The following PDE1A variants were observed in gnomAD, a reference collection of about 807,000 sequenced individuals.
The protein encoded by PDE1A is phosphodiesterase 1A.
PDE1A carries 35 observed loss-of-function variants against 61.7 expected under a neutral mutation model. The observed-to-expected ratio is 0.57, with a 90% CI of 0.43 to 0.75. The LOEUF (loss-of-function observed/expected upper bound fraction) is 0.75. PDE1A is among the 30% of genes least tolerant of loss of function. The pLI is 0.00. For missense variants in PDE1A, 597 were observed against 630.6 expected (o/e 0.95, Z 0.57); for synonymous variants, 232 against 213.2 (o/e 1.09, Z -0.77).
the PDE1A span, among the ~76,000 whole-genome samples, chr2:182,678,371 C>G: frequency 2.0e-5 from 3 of 151,890 alleles, no homozygotes; most frequent in African/African-American, 7.3e-5. Context: ...TGCAGTGAGC[C>G]GATATCATGC....
intron 2 of PDE1A, among the ~76,000 whole-genome samples, chr2:182,460,559 C>T (rs1056116016): frequency 1.3e-5 from 2 of 152,084 alleles, no homozygotes; most frequent in African/African-American, 4.8e-5. Context: ...CTGTATGTAA[C>T]TTTAATATTG....
At chr2:182,496,455 T>C (rs568023839) in intron 2 of PDE1A, among the ~76,000 whole-genome samples, 1 of 152,188 alleles carries the variant, frequency 6.6e-6, no homozygotes, top group Admixed American at 6.5e-5. Flanking sequence ...AAAACTGGGA[T>C]CTGGTTATAG....
At chr2:182,380,106 C>CTTTTTTTTT (rs1226939777) in intron 1 of PDE1A, among the ~76,000 whole-genome samples, 1 of 103,856 alleles carries the variant, frequency 9.6e-6, no homozygotes, top group Non-Finnish European at 1.9e-5. Flanking sequence ...CCCAGCTCCT[C>CTTTTTTTTT]TTTTTTTTTT....
At chr2:182,531,140 A>T in the PDE1A span, among the ~76,000 whole-genome samples, 1 of 151,984 alleles carries the variant, frequency 6.6e-6, no homozygotes, top group Non-Finnish European at 1.5e-5. Flanking sequence ...TACACTTAAA[A>T]ATACAGATAT....
At chr2:182,601,492 T>C in the PDE1A span, among the ~76,000 whole-genome samples, 1 of 152,236 alleles carries the variant, frequency 6.6e-6, no homozygotes, top group Admixed American at 6.5e-5. Context: ...AGGGGTATGT[T>C]TCTGTCCTGT....
chr2:182,356,834 T>C (rs1177772723), intron 1 of PDE1A, among the ~76,000 whole-genome samples: 5 of 152,162 alleles, frequency 3.3e-5, no homozygotes, highest in Admixed American at 6.5e-5. Flanking sequence ...ATATACACCA[T>C]GGAATACTAT....
chr2:182,710,195 C>T, the PDE1A span, among the ~76,000 whole-genome samples: 2 of 152,130 alleles, frequency 1.3e-5, no homozygotes, highest in Non-Finnish European at 2.9e-5. Flanking sequence ...GCACCTGGCC[C>T]ATATTACCTT....
intron 1 of PDE1A, among the ~76,000 whole-genome samples, chr2:182,307,283 G>T (rs145169258): frequency 4.7e-4 from 71 of 152,218 alleles, no homozygotes; most frequent in Admixed American, 3.6e-3. Flanking sequence ...AGCATTAGAG[G>T]GTGGGACCTT....
intron 1 of PDE1A, among the ~76,000 whole-genome samples, chr2:182,393,958 C>G (rs1701561010): frequency 6.6e-6 from 1 of 152,226 alleles, no homozygotes; most frequent in Admixed American, 6.5e-5. Flanking sequence ...CCACATCTTA[C>G]TGTCTTCTGA....
At chr2:182,641,239 A>C in the PDE1A span, among the ~76,000 whole-genome samples, 3 of 152,082 alleles carry the variant, frequency 2.0e-5, no homozygotes, top group African/African-American at 7.2e-5. Context: ...GAATGTAGGG[A>C]AAGTACTAGG....
intron 1 of PDE1A, among the ~76,000 whole-genome samples, chr2:182,372,175 G>A (rs529554020): frequency 2.6e-5 from 4 of 152,230 alleles, no homozygotes; most frequent in East Asian, 3.9e-4. Context: ...TGAGTTTTCC[G>A]AAGATACAGT....
At chr2:182,385,984 C>T (rs901946331) in intron 1 of PDE1A, among the ~76,000 whole-genome samples, 3 of 152,182 alleles carry the variant, frequency 2.0e-5, no homozygotes, top group East Asian at 1.9e-4. Flanking sequence ...CTCAGCCTGC[C>T]GAGTGCCTGT....
rs775448200 is a variant in PDE1A at position 182,201,827 on chromosome 2, A to G, written c.903-38T>C. The G allele has an allele frequency of 6.8e-6, 9 of 1,331,864 alleles. No individual in the cohort carries two copies. The East Asian group carries it at 1.8e-4, about 27-fold the overall frequency. 82.5% of individuals were successfully genotyped at this position (1,331,864 alleles called of 1,614,324 possible). ...CAAAAGGAGAAAGGTTCATTCAGCC[A>G]TTTATTGTTCTGAAGTGGAACACTT... On this transcript the variant is annotated intron_variant, in intron 8 of 13. Coordinates refer to ENST00000351439, the Ensembl canonical transcript of PDE1A.
At chr2:182,309,420 C>A (rs1233151106) in intron 1 of PDE1A, among the ~76,000 whole-genome samples, 5 of 151,980 alleles carry the variant, frequency 3.3e-5, no homozygotes, top group African/African-American at 1.2e-4. Context: ...TAAGGCATCT[C>A]CATTTCTGCC....
intron 1 of PDE1A, among the ~76,000 whole-genome samples, chr2:182,268,457 A>G (rs1692786981): frequency 3.9e-5 from 6 of 152,056 alleles, no homozygotes; most frequent in Admixed American, 3.9e-4. Context: ...ACACTTATAT[A>G]TACATATATA....
intron 13 of PDE1A, among the ~76,000 whole-genome samples, chr2:182,180,787 T>G (rs181964500): frequency 6.6e-6 from 1 of 152,160 alleles, no homozygotes; most frequent in Non-Finnish European, 1.5e-5. Context: ...TTCATTCCTT[T>G]TCATTATTTT....
chr2:182,537,629 C>A, the PDE1A span, among the ~76,000 whole-genome samples: 1 of 151,820 alleles, frequency 6.6e-6, no homozygotes. Flanking sequence ...CACGTGTATT[C>A]CAGAACTTAA....
At chr2:182,429,604 T>C (rs1462129141), upstream of PDE1A, among the ~76,000 whole-genome samples, 2 of 152,138 alleles carry the variant, frequency 1.3e-5, no homozygotes, top group East Asian at 3.9e-4. Context: ...TCAATAAATA[T>C]GTTAATTTTC....
At chr2:182,612,858 C>T in the PDE1A span, among the ~76,000 whole-genome samples, 6 of 152,166 alleles carry the variant, frequency 3.9e-5, no homozygotes, top group Admixed American at 1.3e-4. Flanking sequence ...TCATGGACCT[C>T]TATTTGGGGG....
Sources: allele counts gnomAD v4.1 joint callset (sites outside exome capture counted in the v4.1 genomes callset), GRCh38; gene constraint gnomAD v4.1.1; transcripts MANE v1.5; gene names NCBI Gene and HGNC (gene_info 2026-07-23, HGNC 2026-07-21).